Variants in DCC observed in about 807,000 individuals in gnomAD.
DCC encodes netrin receptor DCC.
Under a neutral mutation model 172.5 loss-of-function variants are expected in DCC, and 58 were observed. The ratio of observed to expected loss-of-function variants is 0.34; its 90% CI spans 0.27 to 0.42. The LOEUF (loss-of-function observed/expected upper bound fraction) is 0.42, where lower values mean the gene tolerates loss of function less well. DCC is among the 10% of genes least tolerant of loss of function. DCC has a pLI of 1.00. For synonymous variants in DCC, 709 were observed against 644.5 expected, an observed-to-expected ratio of 1.10 and a Z score of -1.52; for missense variants, 1,740 against 1,791.0, an observed-to-expected ratio of 0.97 and a Z score of 0.51.
chr18:53,187,235 G>T (rs1393937179), intron 9 of DCC, among the ~76,000 whole-genome samples: 1 of 151,124 alleles, frequency 6.6e-6, no homozygotes, highest in Non-Finnish European at 1.5e-5. Context: ...TGATTCTCCT[G>T]CCTCAACGTC....
chr18:53,353,230 C>T (rs918716443), intron 15 of DCC, among the ~76,000 whole-genome samples: 6 of 150,602 alleles, frequency 4.0e-5, no homozygotes, highest in Non-Finnish European at 7.4e-5. Context: ...GCCGAGATCA[C>T]GCCATTGCAC....
intron 27 of DCC, among the ~76,000 whole-genome samples, chr18:53,521,681 A>C (rs2046400604): frequency 6.6e-6 from 1 of 152,138 alleles, no homozygotes. Context: ...TGTTAGAGTG[A>C]ATTGATTTTC....
At chr18:52,919,353 G>C (rs958102996) in intron 3 of DCC, among the ~76,000 whole-genome samples, 3 of 152,178 alleles carry the variant, frequency 2.0e-5, no homozygotes, top group Non-Finnish European at 4.4e-5. Context: ...GCACAAAGTT[G>C]TAAAATGTAT....
At position 53,511,932 on chromosome 18, in the gene DCC, A is replaced by T. The variant is rs1274529021; in HGVS notation, c.4111+12422A>T. Among the ~76,000 whole-genome samples, 4 of 152,350 alleles carry T rather than the reference A, an allele frequency of 2.6e-5. No individual in the cohort carries two copies. In the East Asian group the frequency reaches 7.7e-4, roughly 29 times the overall value. ...CCAGGCTTGCTTAGGTAAACAAAGCAACCAGGAAGCTCGAACTGGGTGGAG... is the reference window on the plus strand; with the variant it reads ...CCAGGCTTGCTTAGGTAAACAAAGCTACCAGGAAGCTCGAACTGGGTGGAG... On this transcript the variant is annotated intron_variant, in intron 27 of 28. Transcript: ENST00000442544.
intron 14 of DCC, among the ~76,000 whole-genome samples, chr18:53,328,964 C>T (rs2057499884): frequency 6.6e-6 from 1 of 152,110 alleles, no homozygotes; most frequent in Admixed American, 6.6e-5. Flanking sequence ...TTGTTGTCTA[C>T]ATTTAGGGAA....
intron 2 of DCC, among the ~76,000 whole-genome samples, chr18:52,817,759 T>A (rs2038328198): frequency 2.6e-5 from 4 of 152,136 alleles, no homozygotes; most frequent in African/African-American, 9.7e-5. Context: ...ATATTTTCTT[T>A]AGGAAAACTC....
intron 2 of DCC, among the ~76,000 whole-genome samples, chr18:52,784,814 A>G (rs1000961360): frequency 6.6e-6 from 1 of 151,904 alleles, no homozygotes; most frequent in African/African-American, 2.4e-5. Flanking sequence ...ATGCTGAGAA[A>G]GAACTCAGGA....
At chr18:52,670,658 G>A (rs961706213) in intron 1 of DCC, among the ~76,000 whole-genome samples, 2 of 152,104 alleles carry the variant, frequency 1.3e-5, no homozygotes, top group African/African-American at 2.4e-5. Context: ...TAGCCAACAT[G>A]GCGAAACCCC....
intron 27 of DCC, among the ~76,000 whole-genome samples, chr18:53,503,490 C>A (rs1362061489): frequency 2.0e-5 from 3 of 152,158 alleles, no homozygotes; most frequent in African/African-American, 4.8e-5. Context: ...CTACACTTTG[C>A]AAATCACAAA....
chr18:52,478,685 A>G (rs773573024), intron 1 of DCC, among the ~76,000 whole-genome samples: 28 of 152,230 alleles, frequency 1.8e-4, no homozygotes, highest in Non-Finnish European at 3.8e-4. Context: ...CAGACACATA[A>G]CATAGCCACA....
chr18:53,062,481 A>T (rs552348461), intron 5 of DCC, among the ~76,000 whole-genome samples: 17 of 152,272 alleles, frequency 1.1e-4, no homozygotes, highest in African/African-American at 2.6e-4. Flanking sequence ...TTCTCAGTCA[A>T]TATAATATTT....
chr18:53,264,150 T>C (rs1376797236), intron 12 of DCC, among the ~76,000 whole-genome samples: 1 of 152,058 alleles, frequency 6.6e-6, no homozygotes, highest in Non-Finnish European at 1.5e-5. Context: ...TAAAGTCCTG[T>C]CAACATGAAA....
At chr18:52,461,861 T>C (rs377105336) in intron 1 of DCC, among the ~76,000 whole-genome samples, 1 of 152,210 alleles carries the variant, frequency 6.6e-6, no homozygotes, top group Non-Finnish European at 1.5e-5. Context: ...AGTCATTTTT[T>C]CAACTGTGCA....
At chr18:52,492,926 T>G (rs951184033) in intron 1 of DCC, among the ~76,000 whole-genome samples, 3 of 152,074 alleles carry the variant, frequency 2.0e-5, no homozygotes, top group African/African-American at 7.2e-5. Flanking sequence ...CAGGGTTCAC[T>G]TAAGACCATA....
chr18:53,087,866 T>C (rs2042938558), intron 7 of DCC, among the ~76,000 whole-genome samples: 1 of 151,910 alleles, frequency 6.6e-6, no homozygotes, highest in East Asian at 1.9e-4. Flanking sequence ...GGGAATCCTT[T>C]CCCCATTGCT....
chr18:52,519,044 G>T (rs2031728515), intron 1 of DCC, among the ~76,000 whole-genome samples: 1 of 152,148 alleles, frequency 6.6e-6, no homozygotes, highest in Non-Finnish European at 1.5e-5. Flanking sequence ...TATAGTTTTG[G>T]ATAACAGATT....
At chr18:53,464,145 C>T (rs925071205) in intron 24 of DCC, among the ~76,000 whole-genome samples, 1 of 152,152 alleles carries the variant, frequency 6.6e-6, no homozygotes, top group East Asian at 1.9e-4. Flanking sequence ...AATAAAGAAA[C>T]GAAAGAGTTC....
chr18:52,482,479 A>C (rs1252050027), intron 1 of DCC, among the ~76,000 whole-genome samples: 1 of 152,176 alleles, frequency 6.6e-6, no homozygotes, highest in African/African-American at 2.4e-5. Context: ...GTGTCTGGGA[A>C]GTCCAAGATC....
chr18:52,738,559 A>T (rs900526649), intron 1 of DCC, among the ~76,000 whole-genome samples: 4 of 152,134 alleles, frequency 2.6e-5, no homozygotes, highest in African/African-American at 9.7e-5. Context: ...TGAGTCAATG[A>T]GTGAGTGGTA....
Sources: gnomAD v4.1 joint callset for allele counts (sites outside exome capture counted in the v4.1 genomes callset) on GRCh38, gnomAD v4.1.1 for gene constraint, MANE v1.5 for transcripts, NCBI Gene and HGNC (gene_info 2026-07-23, HGNC 2026-07-21) for gene names.